The following GULP1 variants were observed in gnomAD, a reference collection of about 807,000 sequenced individuals.
The protein encoded by GULP1 is GULP PTB domain containing engulfment adaptor 1, also known as PTB domain-containing engulfment adapter protein 1.
GULP1 carries 19 observed loss-of-function variants against 40.9 expected under a neutral mutation model. The observed-to-expected ratio is 0.46, with a 90% confidence interval of 0.32 to 0.68. The LOEUF (loss-of-function observed/expected upper bound fraction) is 0.68. Ranked by LOEUF, GULP1 falls within the 30% of genes least tolerant of loss-of-function variation. GULP1 has a pLI of 0.03. For missense variants in GULP1, 312 were observed against 362.2 expected (o/e 0.86, Z 1.12); for synonymous variants, 119 against 117.6 (o/e 1.01, Z -0.08).
chr2:188,570,189 G>A (rs2153432561), intron 9 of GULP1, 69 bp downstream of exon 9: 2 of 697,872 alleles, frequency 2.9e-6, no homozygotes. Context: ...CACTAGTTCT[G>A]CAATATTTCA....
At chr2:188,527,212 A>G (rs1345169257) in intron 5 of GULP1, among the ~76,000 whole-genome samples, 1 of 152,026 alleles carries the variant, frequency 6.6e-6, no homozygotes, top group Non-Finnish European at 1.5e-5. Context: ...TTTCAGGGGG[A>G]AAAAATTTAA....
chr2:188,545,847 A>G (rs1428719484), intron 7 of GULP1, among the ~76,000 whole-genome samples: 1 of 151,930 alleles, frequency 6.6e-6, no homozygotes, highest in Non-Finnish European at 1.5e-5. Context: ...TGCAAACATA[A>G]TGGTATAGGT....
intron 1 of GULP1, among the ~76,000 whole-genome samples, chr2:188,364,449 C>A (rs1263145418): frequency 6.6e-6 from 1 of 152,150 alleles, no homozygotes; most frequent in Admixed American, 6.5e-5. Flanking sequence ...TAAAGCCCAA[C>A]TAATTTGGAA....
At chr2:188,339,853 T>C (rs2042734528) in intron 1 of GULP1, among the ~76,000 whole-genome samples, 1 of 152,342 alleles carries the variant, frequency 6.6e-6, no homozygotes, top group Admixed American at 6.5e-5. Context: ...AGCTTCAGCA[T>C]CCTTATTTGT....
chr2:188,538,682 AGTGT>A (rs1322212734), intron 6 of GULP1, among the ~76,000 whole-genome samples: 2 of 147,002 alleles, frequency 1.4e-5, no homozygotes, highest in South Asian at 4.3e-4. Context: ...TGTGTGTGTG[AGTGT>A]GTGTGTGAGT....
At chr2:188,361,533 G>A (rs1252895903) in intron 1 of GULP1, among the ~76,000 whole-genome samples, 11 of 152,034 alleles carry the variant, frequency 7.2e-5, no homozygotes, top group Non-Finnish European at 1.6e-4. Flanking sequence ...GATATTATTT[G>A]CATAAAAAGA....
chr2:188,403,746 G>T (rs1280469106), intron 2 of GULP1, among the ~76,000 whole-genome samples: 2 of 152,178 alleles, frequency 1.3e-5, no homozygotes, highest in Non-Finnish European at 2.9e-5. Context: ...CTGAGAAATG[G>T]TAGGCTCCTG....
intron 1 of GULP1, among the ~76,000 whole-genome samples, chr2:188,334,010 C>T (rs934324043): frequency 2.2e-4 from 34 of 152,082 alleles, no homozygotes; most frequent in African/African-American, 8.2e-4. Context: ...ACCACATTCC[C>T]TAAAGACTAG....
At chr2:188,489,987 A>T (rs774868610) in intron 4 of GULP1, among the ~76,000 whole-genome samples, 1 of 152,112 alleles carries the variant, frequency 6.6e-6, no homozygotes, top group Non-Finnish European at 1.5e-5. Context: ...CATCATTACA[A>T]ACTATAATTC....
intron 1 of GULP1, among the ~76,000 whole-genome samples, chr2:188,333,203 G>A (rs1310994409): frequency 6.6e-6 from 1 of 151,462 alleles, no homozygotes; most frequent in African/African-American, 2.4e-5. Flanking sequence ...CCAAGATCAT[G>A]CCACTGCACT....
At chr2:188,364,855 AAC>A (rs1187234384) in intron 1 of GULP1, among the ~76,000 whole-genome samples, 5,716 of 142,936 alleles carry the variant, frequency 0.04, 387 homozygotes, top group African/African-American at 0.14. Context: ...TGTATCCACA[AAC>A]ACACACACAC....
chr2:188,469,187 A>C (rs1356203103), intron 2 of GULP1, among the ~76,000 whole-genome samples: 1 of 152,182 alleles, frequency 6.6e-6, no homozygotes, highest in African/African-American at 2.4e-5. Flanking sequence ...CAGTGGCCCA[A>C]ACAGTTCAGC....
chr2:188,382,516 A>T (rs970779957), intron 1 of GULP1, among the ~76,000 whole-genome samples: 2 of 152,154 alleles, frequency 1.3e-5, no homozygotes, highest in Non-Finnish European at 2.9e-5. Flanking sequence ...CATTGAAGTT[A>T]TTATTACCTC....
chr2:188,535,652 G>GT (rs1688745165), intron 6 of GULP1, among the ~76,000 whole-genome samples: 1 of 152,052 alleles, frequency 6.6e-6, no homozygotes, highest in Non-Finnish European at 1.5e-5. Context: ...GAACATATGA[G>GT]TGCATGTGTC....
At chr2:188,368,021 C>A (rs1039468502) in intron 1 of GULP1, among the ~76,000 whole-genome samples, 1 of 152,188 alleles carries the variant, frequency 6.6e-6, no homozygotes, top group Non-Finnish European at 1.5e-5. Context: ...TAGCAGAAAC[C>A]TTTCTGCTTT....
chr2:188,345,194 T>G (rs1045991534), intron 1 of GULP1, among the ~76,000 whole-genome samples: 2 of 152,178 alleles, frequency 1.3e-5, no homozygotes, highest in African/African-American at 4.8e-5. Context: ...CCCCCTCCTC[T>G]CCATGCAGTT....
At chr2:188,583,778 C>T (rs1701802371) in intron 9 of GULP1, among the ~76,000 whole-genome samples, 1 of 152,078 alleles carries the variant, frequency 6.6e-6, no homozygotes, top group African/African-American at 2.4e-5. Context: ...ATATACTCTA[C>T]TTTTGAGAAT....
chr2:188,405,792 G>C (rs1465481853), intron 2 of GULP1, among the ~76,000 whole-genome samples: 1 of 152,182 alleles, frequency 6.6e-6, no homozygotes, highest in African/African-American at 2.4e-5. Context: ...AGAATTTCTG[G>C]ATGGGCTGAT....
chr2:188,541,449 A>G, intron 7 of GULP1, 131 bp downstream of exon 7: 1 of 783,746 alleles, frequency 1.3e-6, no homozygotes, highest in Non-Finnish European at 2.3e-6. Context: ...GTCTGTAAAT[A>G]CTTAGCTGTA....
Sources: gnomAD v4.1 joint callset for allele counts (sites outside exome capture counted in the v4.1 genomes callset) on GRCh38, gnomAD v4.1.1 for gene constraint, MANE v1.5 for transcripts, NCBI Gene and HGNC (gene_info 2026-07-23, HGNC 2026-07-21) for gene names.